LAIR2: variants seen among roughly 807,000 people sequenced by gnomAD.
LAIR2 encodes leukocyte-associated immunoglobulin-like receptor 2.
Under a neutral mutation model 14.8 loss-of-function variants are expected in LAIR2, and 14 were observed. The observed-to-expected ratio is 0.95, with a 90% CI of 0.62 to 1.48. The LOEUF (loss-of-function observed/expected upper bound fraction) is 1.48. LAIR2 is among the 40% of genes most tolerant of loss of function. The probability of loss-of-function intolerance (pLI) is 0.00; values close to 1 mark genes in which losing one functional copy is unlikely to be tolerated. For synonymous variants in LAIR2, 75 were observed against 74.5 expected (o/e 1.01, Z -0.03); for missense variants, 172 against 180.9 (o/e 0.95, Z 0.28).
Position 54,502,958 on chromosome 19 carries a change from T to G in LAIR2, c.34+6T>G. The G allele has an allele frequency of 6.2e-7, 1 of 1,611,752 alleles. No individual in the cohort carries two copies. On this transcript the variant is annotated splice_donor_region_variant and intron_variant, in intron 1 of 4. Transcript: ENST00000301202. ...CACTGCTCTCCTGGGCCTAGGTGAG[T>G]CCTGGAGGGAGCGGGAAGGACTGGA...
intron 1 of LAIR2, 41 bp downstream of exon 1, chr19:54,502,993 G>T: frequency 3.2e-6 from 5 of 1,586,032 alleles, no homozygotes; most frequent in Non-Finnish European, 4.3e-6. Context: ...AAAGGGGGTC[G>T]GGAGGTCTGG....
At chr19:54,506,858 T>C (rs372011577) in intron 2 of LAIR2, among the ~76,000 whole-genome samples, 5 of 152,226 alleles carry the variant, frequency 3.3e-5, no homozygotes, top group Non-Finnish European at 5.9e-5. Context: ...CAGGATTGTG[T>C]AACATAATGA....
chr19:54,508,029 A>G lies in LAIR2; in HGVS notation c.209A>G (p.Asp70Gly), dbSNP rs1376232818. ...LEREDRAKYK[D>G]SYNVFRLGPS... is the part of the protein sequence containing the mutation. ...AGGGAGGATAGAGCCAAGTACAAAGATAGTTATAATGTGTTTCGACTTGGT... is the reference window on the plus strand; with the variant it reads ...AGGGAGGATAGAGCCAAGTACAAAGGTAGTTATAATGTGTTTCGACTTGGT... Residue 70 changes from aspartate (D) to glycine (G), a missense_variant, in exon 3 of 5, where the codon GAT becomes GGT. Coordinates refer to ENST00000301202, the MANE Select transcript of LAIR2 (RefSeq NM_002288.6). 4 of 1,614,032 alleles carry G rather than the reference A, an allele frequency of 2.5e-6. No individual in the cohort carries two copies. Among genetic ancestry groups the G allele is most frequent in the Admixed American group, 3.3e-5 (2 of 60,002 alleles).
In LAIR2 at chr19:54,507,840, A is replaced by T. The variant is rs758892395; in HGVS notation, c.71-51A>T. 2.7e-5 allele frequency: 42 copies of T among 1,533,370 alleles called. No homozygotes were observed. The Middle Eastern group carries it at 6.9e-4, about 25-fold the overall frequency. The allele number at this position is 1,533,370 out of a possible 1,614,324, so 95.0% of individuals were successfully genotyped here. On this transcript the variant is annotated intron_variant, in intron 2 of 4. Coordinates refer to ENST00000301202, the MANE Select transcript of LAIR2 (RefSeq NM_002288.6). Reference sequence around the variant, plus strand: ...GTGATCCTAAAATGACGTGTGTGGCATGGTGACTTCCTACAGTGGACGCTG... The same window carrying T: ...GTGATCCTAAAATGACGTGTGTGGCTTGGTGACTTCCTACAGTGGACGCTG...
intron 4 of LAIR2, 26 bp from the exon 5 acceptor site, chr19:54,510,500 A>C: frequency 6.3e-7 from 1 of 1,593,892 alleles, no homozygotes; most frequent in Non-Finnish European, 8.6e-7. Flanking sequence ...TCCTATTAAT[A>C]CTGAGGAAGT....
Position 54,507,905 on chromosome 19 carries a change from C to G in LAIR2, c.85C>G (p.Pro29Ala). 6.2e-7 allele frequency: 1 copy of G among 1,613,998 alleles called. No homozygotes were observed. Among genetic ancestry groups the G allele is most frequent in the Non-Finnish European group, 8.5e-7 (1 of 1,179,894 alleles). Residue 29 changes from proline (P) to alanine (A), a missense_variant, in exon 3 of 5, where the codon CCC becomes GCC. Transcript: ENST00000301202. ...IHTQEGALPR[P>A]SISAEPGTVI... ...TTCCCTCTTAGGGGCCCTTCCCAGA[C>G]CCTCCATCTCGGCTGAGCCAGGCAC...
chr19:54,506,890 C>A (rs1312670010), intron 2 of LAIR2, among the ~76,000 whole-genome samples: 1 of 152,174 alleles, frequency 6.6e-6, no homozygotes, highest in Non-Finnish European at 1.5e-5. Context: ...CACAATATAT[C>A]ATACGCTTGA....
intron 2 of LAIR2, among the ~76,000 whole-genome samples, chr19:54,504,122 A>AG (rs1353370684): frequency 1.5e-4 from 12 of 81,112 alleles, no homozygotes; most frequent in African/African-American, 5.0e-4. Context: ...ACCCCTGGCT[A>AG]ATTTTTTTTT....
chr19:54,510,568 G>A lies in LAIR2; in HGVS notation c.458G>A (p.Ter153=). The change falls in exon 5 of 5, where the codon TGA becomes TAA. Residue 153 remains the stop codon, a stop_retained_variant. Coordinates refer to ENST00000301202, the MANE Select transcript of LAIR2 (RefSeq NM_002288.6). The part of the protein sequence containing the change: ...GTEASGFDAP[*] ...GAAGCCTCCGGATTTGATGCACCAT[G>A]AATGAGGAGAAATGGCCTCCCGTCT... is the stretch of plus-strand genomic sequence containing the variant. 2 of 1,613,796 alleles carry A rather than the reference G, an allele frequency of 1.2e-6. No homozygotes were observed. The highest frequency in any genetic ancestry group is 1.7e-4 in the Middle Eastern group (1 of 6,054).
chr19:54,507,440 C>G (rs1450075291), intron 2 of LAIR2, among the ~76,000 whole-genome samples: 3 of 152,124 alleles, frequency 2.0e-5, no homozygotes. Flanking sequence ...TCAGTCCCAC[C>G]CGGGGACCGG....
chr19:54,503,290 A>C (rs1406284867), intron 1 of LAIR2, among the ~76,000 whole-genome samples: 4 of 151,958 alleles, frequency 2.6e-5, no homozygotes, highest in Admixed American at 6.6e-5. Flanking sequence ...GTGAAACTCC[A>C]TCTCTACTAA....
At chr19:54,508,402 C>T (rs888081673) in intron 3 of LAIR2, among the ~76,000 whole-genome samples, 2 of 152,204 alleles carry the variant, frequency 1.3e-5, no homozygotes, top group East Asian at 1.9e-4. Flanking sequence ...CTGGACGCCA[C>T]AGATGGCGTG....
chr19:54,506,441 C>T (rs2085365548), intron 2 of LAIR2, among the ~76,000 whole-genome samples: 1 of 146,206 alleles, frequency 6.8e-6, no homozygotes, highest in African/African-American at 2.6e-5. Flanking sequence ...ACTTTGAGTG[C>T]CCTGGTGTCC....
intron 2 of LAIR2, among the ~76,000 whole-genome samples, chr19:54,506,776 G>T (rs2085371775): frequency 6.6e-6 from 1 of 152,196 alleles, no homozygotes; most frequent in Admixed American, 6.5e-5. Context: ...AAAGAAAAAT[G>T]AACAAATGGG....
chr19:54,506,894 C>T (rs1399252500), intron 2 of LAIR2, among the ~76,000 whole-genome samples: 7 of 152,246 alleles, frequency 4.6e-5, no homozygotes, highest in African/African-American at 1.2e-4. Context: ...ATATATCATA[C>T]GCTTGAAAAT....
At position 54,503,626 on chromosome 19, in the gene LAIR2, A is replaced by G. The variant is rs1026832884; in HGVS notation, c.35-74A>G. 147 of 1,602,874 alleles carry G rather than the reference A, an allele frequency of 9.2e-5. 1 individual carries two copies. In the Admixed American group the frequency reaches 1.6e-3, roughly 17 times the overall value. On this transcript the variant is annotated intron_variant, in intron 1 of 4. Transcript: ENST00000301202. ...ATGCTGAATGCCCCCCAGCTCCGTC[A>G]AGCCCCCTTTTGACAGCAGCCCTGT... is the stretch of plus-strand genomic sequence containing the variant.
chr19:54,507,084 C>T (rs1206091934), intron 2 of LAIR2, among the ~76,000 whole-genome samples: 2 of 150,880 alleles, frequency 1.3e-5, no homozygotes, highest in South Asian at 2.1e-4. Context: ...GAAGACGGGA[C>T]GAGTGAATTG....
rs769744673 is a variant in LAIR2, at chr19:54,502,970, C to T, written c.34+18C>T. 1.2e-5 allele frequency: 19 copies of T among 1,606,796 alleles called. No homozygotes were observed. Among genetic ancestry groups the T allele is most frequent in the South Asian group, 1.1e-4 (10 of 90,352 alleles). On this transcript the variant is annotated intron_variant, in intron 1 of 4. Coordinates refer to ENST00000301202, the MANE Select transcript of LAIR2 (RefSeq NM_002288.6). Reference sequence around the variant, plus strand: ...GGGCCTAGGTGAGTCCTGGAGGGAGCGGGAAGGACTGGAAAGGGGGTCGGG... The same window carrying T: ...GGGCCTAGGTGAGTCCTGGAGGGAGTGGGAAGGACTGGAAAGGGGGTCGGG...
At chr19:54,504,164 C>G (rs1162108184) in intron 2 of LAIR2, among the ~76,000 whole-genome samples, 1 of 150,536 alleles carries the variant, frequency 6.6e-6, no homozygotes. Context: ...TGGGGTTTCA[C>G]CATATTGGCC....
Sources: gnomAD v4.1 joint callset for allele counts (sites outside exome capture counted in the v4.1 genomes callset) on GRCh38, gnomAD v4.1.1 for gene constraint, MANE v1.5 for transcripts, NCBI Gene and HGNC (gene_info 2026-07-23, HGNC 2026-07-21) for gene names.